Variants in NKAIN2 observed in about 807,000 individuals in gnomAD.
NKAIN2 encodes sodium/potassium transporting ATPase interacting 2.
Under a neutral mutation model 32.6 loss-of-function variants are expected in NKAIN2, and 14 were observed. The observed-to-expected ratio is 0.43, with a 90% CI of 0.28 to 0.67. The LOEUF (loss-of-function observed/expected upper bound fraction) is 0.67, where lower values mean the gene tolerates loss of function less well. Among genes scored for constraint, NKAIN2 ranks in the 30% least tolerant of loss-of-function variants. The pLI is 0.17. For synonymous variants in NKAIN2, 80 were observed against 87.2 expected, an observed-to-expected ratio of 0.92 and a Z score of 0.46; for missense variants, 198 against 258.3, an observed-to-expected ratio of 0.77 and a Z score of 1.60.
intron 1 of NKAIN2, among the ~76,000 whole-genome samples, chr6:124,190,923 A>T (rs567355762): frequency 3.9e-5 from 6 of 152,240 alleles, no homozygotes; most frequent in African/African-American, 1.4e-4. Flanking sequence ...GATTTCCCAT[A>T]TACTCTTTTT....
intron 2 of NKAIN2, among the ~76,000 whole-genome samples, chr6:124,320,389 A>G (rs1465926331): frequency 6.6e-6 from 1 of 152,198 alleles, no homozygotes; most frequent in Non-Finnish European, 1.5e-5. Context: ...ATATCTTTAA[A>G]ATAAGAGATA....
intron 3 of NKAIN2, among the ~76,000 whole-genome samples, chr6:124,415,754 A>C (rs1373862908): frequency 2.0e-5 from 3 of 152,110 alleles, no homozygotes; most frequent in Admixed American, 6.5e-5. Context: ...ATCACTTTAG[A>C]GACTCTAAGG....
At chr6:123,862,609 T>C (rs1463770151) in intron 1 of NKAIN2, among the ~76,000 whole-genome samples, 1 of 152,204 alleles carries the variant, frequency 6.6e-6, no homozygotes, top group Non-Finnish European at 1.5e-5. Context: ...CCATAGTTTA[T>C]ACCCTGTGAT....
At chr6:123,813,087 G>C (rs990994562) in intron 1 of NKAIN2, among the ~76,000 whole-genome samples, 1 of 152,228 alleles carries the variant, frequency 6.6e-6, no homozygotes, top group African/African-American at 2.4e-5. Context: ...ATACAAGGTG[G>C]ATCACCCAGA....
chr6:123,979,637 A>T, intron 1 of NKAIN2, among the ~76,000 whole-genome samples: 1 of 152,206 alleles, frequency 6.6e-6, no homozygotes, highest in East Asian at 1.9e-4. Flanking sequence ...ATCATTAAAA[A>T]ATAAAATCCC....
At chr6:123,981,784 A>G (rs1028485098) in intron 1 of NKAIN2, among the ~76,000 whole-genome samples, 25 of 152,168 alleles carry the variant, frequency 1.6e-4, no homozygotes, top group African/African-American at 6.0e-4. Flanking sequence ...GCAAAACACC[A>G]TGATTTTCTT....
intron 1 of NKAIN2, among the ~76,000 whole-genome samples, chr6:124,223,887 A>C (rs968494378): frequency 3.9e-5 from 6 of 152,178 alleles, no homozygotes; most frequent in Non-Finnish European, 8.8e-5. Flanking sequence ...ACAAAATGAG[A>C]GAATTTACTG....
intron 4 of NKAIN2, among the ~76,000 whole-genome samples, chr6:124,665,705 C>G (rs1772763880): frequency 6.6e-6 from 1 of 152,176 alleles, no homozygotes; most frequent in South Asian, 2.1e-4. Context: ...CTCAGAAACA[C>G]CTGGTGTCTA....
intron 2 of NKAIN2, among the ~76,000 whole-genome samples, chr6:124,294,454 G>A (rs533961808): frequency 6.6e-6 from 1 of 151,984 alleles, no homozygotes; most frequent in African/African-American, 2.4e-5. Flanking sequence ...ACTGCAAAAG[G>A]GTTTCAGCTT....
chr6:124,706,223 G>A (rs943875723), intron 4 of NKAIN2, among the ~76,000 whole-genome samples: 1 of 152,032 alleles, frequency 6.6e-6, no homozygotes, highest in Non-Finnish European at 1.5e-5. Flanking sequence ...AACATCTTAT[G>A]AGTCTTTACT....
chr6:124,213,083 A>G (rs916343436), intron 1 of NKAIN2, among the ~76,000 whole-genome samples: 2 of 152,082 alleles, frequency 1.3e-5, no homozygotes, highest in African/African-American at 2.4e-5. Context: ...TATCTTTTCA[A>G]ATCCAGATTT....
At chr6:124,724,005 T>C (rs1776152817) in intron 4 of NKAIN2, among the ~76,000 whole-genome samples, 1 of 152,238 alleles carries the variant, frequency 6.6e-6, no homozygotes, top group African/African-American at 2.4e-5. Flanking sequence ...TGAACTAAAT[T>C]ACTTTGCATC....
At chr6:124,038,011 G>GT (rs2114802342) in intron 1 of NKAIN2, among the ~76,000 whole-genome samples, 1 of 152,260 alleles carries the variant, frequency 6.6e-6, no homozygotes, top group East Asian at 1.9e-4. Flanking sequence ...CTTTGTTAAA[G>GT]TAAGGGTCAT....
intron 1 of NKAIN2, among the ~76,000 whole-genome samples, chr6:124,246,525 T>C (rs565472232): frequency 3.3e-5 from 5 of 152,172 alleles, no homozygotes; most frequent in Admixed American, 3.3e-4. Context: ...TGTTTTATGG[T>C]CTGGTTGTCT....
chr6:124,088,363 C>T (rs1784280366), intron 1 of NKAIN2, among the ~76,000 whole-genome samples: 1 of 151,912 alleles, frequency 6.6e-6, no homozygotes, highest in African/African-American at 2.4e-5. Context: ...TGGGCTCAAT[C>T]ATGCCACTGC....
At chr6:123,938,998 G>T (rs1415050310) in intron 1 of NKAIN2, among the ~76,000 whole-genome samples, 3 of 151,832 alleles carry the variant, frequency 2.0e-5, no homozygotes, top group Non-Finnish European at 4.4e-5. Flanking sequence ...TAAGAATCAG[G>T]CAATGATTCT....
rs777466801 is a variant in NKAIN2 at position 123,849,949 on chromosome 6, G to GTTTTTTTTTTTT, written c.54+45696_54+45707dup. On this transcript the variant is annotated intron_variant, in intron 1 of 6. Coordinates refer to ENST00000368417, the MANE Select transcript of NKAIN2 (RefSeq NM_001040214.3). ...TGGTTTCACTCTGTAACTCAGGCTGGTTTTTTTTTTTTGTTTGTTTGTTTT... is the reference window on the plus strand; with the variant it reads ...TGGTTTCACTCTGTAACTCAGGCTGGTTTTTTTTTTTTTTTTTTTTTTTTGTTTGTTTGTTTT... Among the ~76,000 whole-genome samples the GTTTTTTTTTTTT allele has an allele frequency of 1.6e-3, 63 of 38,698 alleles. 2 individuals carry two copies. Among genetic ancestry groups the GTTTTTTTTTTTT allele is most frequent in the Middle Eastern group, 0.017 (1 of 58 alleles). The allele number at this position is 38,698 out of a possible 152,430, so 25.4% of individuals were successfully genotyped here.
At chr6:123,886,453 C>T (rs1211898849) in intron 1 of NKAIN2, among the ~76,000 whole-genome samples, 1 of 151,990 alleles carries the variant, frequency 6.6e-6, no homozygotes, top group East Asian at 1.9e-4. Flanking sequence ...TATCTAAGTC[C>T]TGTAAAAATA....
chr6:124,129,062 C>T (rs187814126), intron 1 of NKAIN2, among the ~76,000 whole-genome samples: 28 of 152,286 alleles, frequency 1.8e-4, no homozygotes, highest in Middle Eastern at 3.4e-3. Context: ...CCACCCTTTG[C>T]GACCCTGTAC....
Sources: gnomAD v4.1 joint callset for allele counts (sites outside exome capture counted in the v4.1 genomes callset) on GRCh38, gnomAD v4.1.1 for gene constraint, MANE v1.5 for transcripts, NCBI Gene and HGNC (gene_info 2026-07-23, HGNC 2026-07-21) for gene names.